The following HMGB1 variants were observed in gnomAD, a reference collection of about 807,000 sequenced individuals.
The protein encoded by HMGB1 is high mobility group box 1, also known as high mobility group protein B1.
For missense variants in HMGB1, 79 were observed against 253.5 expected, an observed-to-expected ratio of 0.31 and a Z score of 4.67; for synonymous variants, 81 against 84.0, an observed-to-expected ratio of 0.96 and a Z score of 0.19.
chr13:30,462,721 A>T lies in HMGB1; in HGVS notation c.297-9T>A. The T allele has an allele frequency of 6.2e-7, 1 of 1,609,204 alleles. No individual in the cohort carries two copies. The highest frequency in any genetic ancestry group is 1.1e-5 in the South Asian group (1 of 90,284). ...AGAGGAAGAAGGCCGAACTAAAAAA[A>T]AAATTAATTTTAGGATTTTAAGTTA... On this transcript the variant is annotated splice_polypyrimidine_tract_variant and intron_variant, in intron 3 of 4. Coordinates refer to ENST00000341423, the MANE Select transcript of HMGB1 (RefSeq NM_002128.7).
chr13:30,614,875 T>A (rs1034428639), intron 1 of HMGB1, among the ~76,000 whole-genome samples: 14 of 143,606 alleles, frequency 9.7e-5, no homozygotes, highest in Non-Finnish European at 2.0e-4. Flanking sequence ...ATTTTTGTAT[T>A]TTTTTTTTTT....
At chr13:30,593,774 A>T (rs1008336930) in intron 1 of HMGB1, among the ~76,000 whole-genome samples, 14 of 152,236 alleles carry the variant, frequency 9.2e-5, no homozygotes, top group African/African-American at 3.4e-4. Flanking sequence ...AAAATCAGAC[A>T]GATCCAAAAT....
At chr13:30,599,308 A>G (rs1325207908) in intron 1 of HMGB1, among the ~76,000 whole-genome samples, 3 of 152,162 alleles carry the variant, frequency 2.0e-5, no homozygotes, top group African/African-American at 7.2e-5. Context: ...GTCTCTACTA[A>G]AAATACAAAA....
intron 1 of HMGB1, among the ~76,000 whole-genome samples, chr13:30,530,931 CAGCTACTCAGAAGGCTGAGGTGA>C (rs1888479762): frequency 6.6e-6 from 1 of 152,162 alleles, no homozygotes; most frequent in Non-Finnish European, 1.5e-5. Flanking sequence ...TTTGTAGTCC[CAGCTACTCAGAAGGCTGAGGTGA>C]GAAGGTCACC....
intron 1 of HMGB1, among the ~76,000 whole-genome samples, chr13:30,574,049 G>A (rs1223166050): frequency 6.6e-6 from 1 of 152,164 alleles, no homozygotes; most frequent in Admixed American, 6.6e-5. Flanking sequence ...GGGATGAATG[G>A]GTGGAAGGGG....
chr13:30,515,145 G>C (rs1346601116), intron 1 of HMGB1, among the ~76,000 whole-genome samples: 2 of 152,184 alleles, frequency 1.3e-5, no homozygotes, highest in African/African-American at 4.8e-5. Context: ...GAAGGTGTTG[G>C]GGGTCACAGG....
chr13:30,466,258 G>T (rs1886780009), upstream of HMGB1, among the ~76,000 whole-genome samples: 1 of 151,746 alleles, frequency 6.6e-6, no homozygotes, highest in African/African-American at 2.4e-5. Flanking sequence ...TTCCACAAGT[G>T]TCTCCAACTC....
intron 1 of HMGB1, chr13:30,464,841 G>T (rs1281738998): frequency 1.9e-5 from 3 of 155,236 alleles, no homozygotes; most frequent in Non-Finnish European, 2.7e-5. Flanking sequence ...CGGCGGGCGG[G>T]GTGCGAGCCG....
chr13:30,529,264 C>T (rs1195277020), intron 1 of HMGB1, among the ~76,000 whole-genome samples: 1 of 152,092 alleles, frequency 6.6e-6, no homozygotes, highest in Non-Finnish European at 1.5e-5. Flanking sequence ...ATTACCTGCT[C>T]AGAGAGGTTT....
chr13:30,465,484 A>C (rs1886725892), intron 1 of HMGB1, among the ~76,000 whole-genome samples: 1 of 148,820 alleles, frequency 6.7e-6, no homozygotes, highest in Admixed American at 6.7e-5. Context: ...AAACACGTTC[A>C]AAATTTTTTT....
At chr13:30,506,444 T>C (rs1038689791) in intron 1 of HMGB1, among the ~76,000 whole-genome samples, 27 of 152,186 alleles carry the variant, frequency 1.8e-4, no homozygotes, top group African/African-American at 6.5e-4. Context: ...CCAACATTTA[T>C]TGAACCCTTC....
chr13:30,610,525 T>C (rs1462137290), intron 1 of HMGB1, among the ~76,000 whole-genome samples: 1 of 152,186 alleles, frequency 6.6e-6, no homozygotes, highest in Non-Finnish European at 1.5e-5. Context: ...AGAATTTCAT[T>C]TCACACATGG....
intron 1 of HMGB1, among the ~76,000 whole-genome samples, chr13:30,572,253 T>C (rs922643389): frequency 1.3e-5 from 2 of 152,166 alleles, no homozygotes; most frequent in Admixed American, 6.5e-5. Flanking sequence ...AGAAAATAAC[T>C]GCAATAGAAT....
At position 30,458,446 on chromosome 13, in the gene HMGB1, C is replaced by G. The variant is rs1233488874; in HGVS notation, c.*2911G>C. The G allele has an allele frequency of 6.6e-6, 1 of 151,672 alleles. No individual in the cohort carries two copies. Among genetic ancestry groups the G allele is most frequent in the Non-Finnish European group, 1.5e-5 (1 of 68,126 alleles). 9.4% of individuals were successfully genotyped at this position (151,672 alleles called of 1,614,324 possible). A position where few individuals can be genotyped will look rare whatever the true frequency, so the allele number is the denominator to read the frequency against. Reference sequence around the variant, plus strand: ...CCGGGTTCACGCCATTCTCCTGCCTCAGCCTCCTGAGTTACTGGGACTACA... The same window carrying G: ...CCGGGTTCACGCCATTCTCCTGCCTGAGCCTCCTGAGTTACTGGGACTACA... On this transcript the variant is annotated 3_prime_UTR_variant, in exon 5 of 5. Coordinates refer to ENST00000341423, the MANE Select transcript of HMGB1 (RefSeq NM_002128.7).
intron 1 of HMGB1, chr13:30,463,977 C>G (rs777987683): frequency 2.7e-5 from 12 of 452,040 alleles, no homozygotes; most frequent in Non-Finnish European, 3.7e-5. Context: ...CCCGAGTCTG[C>G]TCTGAATGAG....
chr13:30,519,701 TAA>T (rs11313834), intron 1 of HMGB1, among the ~76,000 whole-genome samples: 85 of 148,222 alleles, frequency 5.7e-4, no homozygotes, highest in Non-Finnish European at 5.7e-4. Context: ...CTCCATCAAT[TAA>T]AAAAAAAAAA....
At position 30,457,620 on chromosome 13, in the gene HMGB1, T is replaced by C. The variant is rs1593248264; in HGVS notation, c.*3737A>G. Reference sequence around the variant, plus strand: ...ACCAATGCACATGTCTAAAGTCATCTAGCATTTCTTCCTGGTAGAGATTAC... The same window carrying C: ...ACCAATGCACATGTCTAAAGTCATCCAGCATTTCTTCCTGGTAGAGATTAC... On this transcript the variant is annotated 3_prime_UTR_variant, in exon 5 of 5. Coordinates refer to ENST00000341423, the MANE Select transcript of HMGB1 (RefSeq NM_002128.7). The C allele has an allele frequency of 6.6e-6, 1 of 152,236 alleles. No homozygotes were observed. The highest frequency in any genetic ancestry group is 1.5e-5 in the Non-Finnish European group (1 of 68,050). The allele number at this position is 152,236 out of a possible 1,614,324, so 9.4% of individuals were successfully genotyped here.
Position 30,458,068 on chromosome 13 carries a change from TAA to T in HMGB1, c.*3287_*3288del, listed in dbSNP as rs1244587671. On this transcript the variant is annotated 3_prime_UTR_variant, in exon 5 of 5. Transcript: ENST00000341423. ...GGCTCACATTTTAGCAAGTTAATTC[TAA>T]GACTTAAGCTGTGTACGGTGTGTGC... The T allele has an allele frequency of 6.6e-6, 1 of 152,208 alleles. No individual in the cohort carries two copies. Among genetic ancestry groups the T allele is most frequent in the African/African-American group, 2.4e-5 (1 of 41,440 alleles). 9.4% of individuals were successfully genotyped at this position (152,208 alleles called of 1,614,324 possible).
intron 1 of HMGB1, among the ~76,000 whole-genome samples, chr13:30,578,713 T>C (rs962372766): frequency 5.9e-5 from 9 of 152,154 alleles, no homozygotes; most frequent in African/African-American, 1.4e-4. Context: ...GCAAGGTGCA[T>C]AGGTCTTCAA....
Sources: gnomAD v4.1 joint callset for allele counts (sites outside exome capture counted in the v4.1 genomes callset) on GRCh38, gnomAD v4.1.1 for gene constraint, MANE v1.5 for transcripts, NCBI Gene and HGNC (gene_info 2026-07-23, HGNC 2026-07-21) for gene names.